DDR1: variants seen among roughly 807,000 people sequenced by gnomAD.
DDR1 encodes the protein epithelial discoidin domain-containing receptor 1.
A neutral mutation model predicts 97.4 loss-of-function variants in DDR1; 64 were observed. That is an observed-to-expected ratio of 0.66 (90% CI 0.54 to 0.81). The LOEUF (loss-of-function observed/expected upper bound fraction) is 0.81, where lower values mean the gene tolerates loss of function less well. DDR1 is among the 30% of genes least tolerant of loss of function. The pLI, the probability that DDR1 is intolerant of heterozygous loss-of-function variation, is 0.00. For synonymous variants in DDR1, 458 were observed against 503.7 expected (o/e 0.91, Z 1.21); for missense variants, 990 against 1,259.6 (o/e 0.79, Z 3.24).
chr6:30,893,186 G>A, intron 9 of DDR1, 23 bp downstream of exon 9: 2 of 1,602,968 alleles, frequency 1.2e-6, no homozygotes, highest in Non-Finnish European at 1.7e-6. Flanking sequence ...GGGTGGGCGT[G>A]TGGACCCTCT....
chr6:30,897,289 C>G lies in DDR1; in HGVS notation c.1998-90C>G. 1.8e-6 allele frequency: 2 copies of G among 1,137,158 alleles called. No individual in the cohort carries two copies. Among genetic ancestry groups the G allele is most frequent in the Non-Finnish European group, 2.4e-6 (2 of 846,338 alleles). 70.4% of individuals were successfully genotyped at this position (1,137,158 alleles called of 1,614,324 possible). The stretch of plus-strand genomic sequence containing the variant: ...TACGCTGGGGGTGGGGACGCCTGGT[C>G]TGCCTGAGGTGGGGCAGGGGGGTGG... On this transcript the variant is annotated intron_variant, in intron 14 of 17. Transcript: ENST00000376568. This position sits in a 1 kb window ranked among gnomAD's most constrained non-coding sequence, Gnocchi z 5.2.
In DDR1 at chr6:30,895,394, C is replaced by T. The variant is rs1194170145; in HGVS notation, c.1514-10C>T. The stretch of plus-strand genomic sequence containing the variant: ...CTTCCCCGTGTTTCCCCTCCTCCTT[C>T]TCCCGACAGCGTTGCTGCTCTCCAA... On this transcript the variant is annotated splice_polypyrimidine_tract_variant and intron_variant, in intron 11 of 17. Transcript: ENST00000376568. The T allele has an allele frequency of 1.9e-6, 3 of 1,604,302 alleles. No homozygotes were observed. Among genetic ancestry groups the T allele is most frequent in the East Asian group, 4.5e-5 (2 of 44,406 alleles).
In DDR1 at chr6:30,895,515, G is replaced by A; in HGVS notation, c.1624+1G>A. On this transcript the variant is annotated splice_donor_variant, in intron 12 of 17. Transcript: ENST00000376568. LOFTEE classifies it high-confidence loss of function. ...TGGGCCAAACCCACCAACACCCAGGGTAAGCCCCTCTGCCCCTGGGCTCCG... is the reference window on the plus strand; with the variant it reads ...TGGGCCAAACCCACCAACACCCAGGATAAGCCCCTCTGCCCCTGGGCTCCG... 1.3e-6 allele frequency: 2 copies of A among 1,582,236 alleles called. No homozygotes were observed. The highest frequency in any genetic ancestry group is 1.7e-6 in the Non-Finnish European group (2 of 1,165,618).
At position 30,889,316 on chromosome 6, in the gene DDR1, C is replaced by T; in HGVS notation, c.303C>T (p.Gly101=). 2 of 1,612,720 alleles carry T rather than the reference C, an allele frequency of 1.2e-6. No individual in the cohort carries two copies. The highest frequency in any genetic ancestry group is 1.1e-5 in the South Asian group (1 of 91,054). The change falls in exon 4 of 18, where the codon GGC becomes GGT. Residue 101 remains glycine (G), a synonymous_variant. Transcript: ENST00000376568. This position sits in a 1 kb window ranked among gnomAD's most constrained non-coding sequence, Gnocchi z 4.9. ...GACTGCACCTGGTGGCTCTGGTGGG[C>T]ACCCAGGGACGGCATGCCGGGGGCC... is the stretch of plus-strand genomic sequence containing the variant. The part of the protein sequence containing the change: ...LQRLHLVALV[G]TQGRHAGGLG...
chr6:30,891,163 G>C lies in DDR1; in HGVS notation c.565+43G>C, dbSNP rs772741154. On this transcript the variant is annotated intron_variant, in intron 5 of 17. Transcript: ENST00000376568. This position sits in a 1 kb window ranked among gnomAD's most constrained non-coding sequence, Gnocchi z 5.3. ...CTGGGAATCTGTTTCCTGAGCAGGG[G>C]ACTGGAGGGTGGGGAGTGTGGAGAA... 1 of 1,610,164 alleles carries C rather than the reference G, an allele frequency of 6.2e-7. No individual in the cohort carries two copies. Among genetic ancestry groups the C allele is most frequent in the Non-Finnish European group, 8.5e-7 (1 of 1,179,224 alleles).
rs1170045188 is a variant in DDR1 at position 30,893,397 on chromosome 6, C to T, written c.1321C>T (p.Leu441=). ...CATCATTGCCCTCATGCTCTGGCGG[C>T]TGCACTGGCGCAGGCTCCTCAGCAA... The part of the protein sequence containing the change: ...LLIIALMLWR[L]HWRRLLSKAE... Residue 441 remains leucine, a synonymous_variant, in exon 10 of 18, where the codon CTG becomes TTG. Transcript: ENST00000376568. 1 of 1,606,074 alleles carries T rather than the reference C, an allele frequency of 6.2e-7. No homozygotes were observed. Among genetic ancestry groups the T allele is most frequent in the Admixed American group, 1.7e-5 (1 of 59,986 alleles).
Position 30,894,656 on chromosome 6 carries a change from G to A in DDR1, c.1498G>A (p.Val500Ile). The A allele has an allele frequency of 5.0e-6, 8 of 1,604,178 alleles. No individual in the cohort carries two copies. Among genetic ancestry groups the A allele is most frequent in the Non-Finnish European group, 6.8e-6 (8 of 1,174,716 alleles). The change falls in exon 11 of 18, where the codon GTC becomes ATC. Residue 500 changes from valine to isoleucine, a missense_variant. Physicochemically the swap from Val to Ile is conservative, Grantham distance 29. Transcript: ENST00000376568. This position sits in a 1 kb window ranked among gnomAD's most constrained non-coding sequence, Gnocchi z 5.7. The stretch of plus-strand genomic sequence containing the variant: ...GAATCCGCCCCACTCCGCTCCCTGT[G>A]TCCCCAATGGCTCTGGTAAGACCTG... The part of the protein sequence containing the change: ...RGNPPHSAPC[V>I]PNGSALLLSN...
At position 30,891,546 on chromosome 6, in the gene DDR1, TGTGTGTGTGTGAGA is replaced by T; in HGVS notation, c.665+79_665+92del. 1.1e-6 allele frequency: 1 copy of T among 934,292 alleles called. No individual in the cohort carries two copies. The highest frequency in any genetic ancestry group is 1.7e-6 in the Non-Finnish European group (1 of 605,416). 57.9% of individuals were successfully genotyped at this position (934,292 alleles called of 1,614,324 possible). On this transcript the variant is annotated intron_variant, in intron 6 of 17. Transcript: ENST00000376568. This position sits in a 1 kb window ranked among gnomAD's most constrained non-coding sequence, Gnocchi z 5.3. ...GGAGGACTGTGTGTGTGTGTGTGTG[TGTGTGTGTGTGAGA>T]GTGTGTGTGTGTAGGGGGGCTGGTA...
At chr6:30,895,253 T>A (rs1024052456) in intron 11 of DDR1, 151 bp from the exon 12 acceptor site, 1 of 609,710 alleles carries the variant, frequency 1.6e-6, no homozygotes, top group Non-Finnish European at 2.9e-6. Context: ...CAGCCAGCCG[T>A]CCGTCACTCT....
rs1785491076 is a variant in DDR1, at chr6:30,885,582, T to G, written c.-43+872T>G. 3 of 1,403,894 alleles carry G rather than the reference T, an allele frequency of 2.1e-6. No homozygotes were observed. In the African/African-American group the frequency reaches 4.3e-5, roughly 20 times the overall value. The allele number at this position is 1,403,894 out of a possible 1,614,324, so 87.0% of individuals were successfully genotyped here. A position where few individuals can be genotyped will look rare whatever the true frequency, so the allele number is the denominator to read the frequency against. ...GGGTGTGTGTGTCTCATGCTGTCTT[T>G]TGGTCACAGGAGCATGTGGTGTCTG... On this transcript the variant is annotated intron_variant, in intron 1 of 17. Transcript: ENST00000376568.
chr6:30,887,320 G>T (rs1229892896), intron 1 of DDR1, among the ~76,000 whole-genome samples: 2 of 152,144 alleles, frequency 1.3e-5, no homozygotes, highest in Non-Finnish European at 2.9e-5. Flanking sequence ...CATATCTTAT[G>T]ATTTTACATA....
Position 30,889,369 on chromosome 6 carries a change from G to A in DDR1, c.356G>A (p.Arg119Gln), listed in dbSNP as rs556218004. 21 of 1,606,834 alleles carry A rather than the reference G, an allele frequency of 1.3e-5. No individual in the cohort carries two copies. Among genetic ancestry groups the A allele is most frequent in the African/African-American group, 1.1e-4 (8 of 74,864 alleles). ...GLGKEFSRSY[R>Q]LRYSRDGRRW... is the part of the protein sequence containing the mutation. ...GGCAAGGAGTTCTCCCGGAGCTACC[G>A]GCTGCGTTACTCCCGGGATGGTCGC... Residue 119 changes from arginine to glutamine, a missense_variant, in exon 4 of 18, where the codon CGG (arginine) becomes CAG (glutamine). Coordinates refer to ENST00000376568, the MANE Select transcript of DDR1 (RefSeq NM_001297654.2). This position sits in a 1 kb window ranked among gnomAD's most constrained non-coding sequence, Gnocchi z 4.9.
chr6:30,884,962 G>A lies in DDR1; in HGVS notation c.-43+252G>A. 1 of 473,452 alleles carries A rather than the reference G, an allele frequency of 2.1e-6. No individual in the cohort carries two copies. Among genetic ancestry groups the A allele is most frequent in the Non-Finnish European group, 3.8e-6 (1 of 263,056 alleles). The allele number at this position is 473,452 out of a possible 1,614,324, so 29.3% of individuals were successfully genotyped here. A position where few individuals can be genotyped will look rare whatever the true frequency, so the allele number is the denominator to read the frequency against. ...AGAGTTTTGAGCCTCCAGCCTTGAG[G>A]CAAGTCCCCTCTCACTCAGTGCGGA... On this transcript the variant is annotated intron_variant, in intron 1 of 17. Coordinates refer to ENST00000376568, the MANE Select transcript of DDR1 (RefSeq NM_001297654.2). The surrounding 1 kb of genome is among the most constrained non-coding windows in gnomAD (Gnocchi z 6.1).
chr6:30,888,534 G>A lies in DDR1; in HGVS notation c.-42-154G>A. The A allele has an allele frequency of 1.2e-6, 1 of 845,486 alleles. No individual in the cohort carries two copies. Among genetic ancestry groups the A allele is most frequent in the Admixed American group, 2.8e-5 (1 of 35,960 alleles). The allele number at this position is 845,486 out of a possible 1,614,324, so 52.4% of individuals were successfully genotyped here. On this transcript the variant is annotated intron_variant, in intron 1 of 17. Transcript: ENST00000376568. This position sits in a 1 kb window ranked among gnomAD's most constrained non-coding sequence, Gnocchi z 4.2. ...GTTTAGGCCAGTGTCTGGCACAGGG[G>A]AAGCATTCTAAAAATATAGCTGATG...
intron 1 of DDR1, chr6:30,885,521 G>A: frequency 1.6e-6 from 2 of 1,277,296 alleles, no homozygotes; most frequent in Non-Finnish European, 2.1e-6. Context: ...TAGAGGCTGG[G>A]CCCCAGTTCT....
chr6:30,883,108 G>A (rs911900461), upstream of DDR1: 2 of 152,246 alleles, frequency 1.3e-5, no homozygotes, highest in African/African-American at 4.8e-5. This position sits in a 1 kb window ranked among gnomAD's most constrained non-coding sequence, Gnocchi z 4.9. Context: ...ACGTCCTTGG[G>A]CTTCTGAACT....
rs1789217198 is a variant in DDR1 at position 30,893,131 on chromosome 6, C to T, written c.1163C>T (p.Pro388Leu). 6.2e-7 allele frequency: 1 copy of T among 1,610,716 alleles called. No homozygotes were observed. Among genetic ancestry groups the T allele is most frequent in the African/African-American group, 1.3e-5 (1 of 75,060 alleles). Reference protein sequence around the residue: ...GTFPPAPWWPPGPPPTNFSSL... With the variant: ...GTFPPAPWWPLGPPPTNFSSL... ...TTCCCGCCAGCCCCCTGGTGGCCGC[C>T]TGGCCCACCTCCCACCAACTTCAGC... Residue 388 changes from proline to leucine, a missense_variant, in exon 9 of 18, where the codon CCT (proline) becomes CTT (leucine). Pro to Leu is a moderately conservative substitution (Grantham distance 98). Transcript: ENST00000376568.
In DDR1 at chr6:30,889,454, C is replaced by G; in HGVS notation, c.417+24C>G. The G allele has an allele frequency of 2.7e-6, 4 of 1,472,316 alleles. No homozygotes were observed. The highest frequency in any genetic ancestry group is 1.4e-5 in the African/African-American group (1 of 71,090). 91.2% of individuals were successfully genotyped at this position (1,472,316 alleles called of 1,614,324 possible). A position where few individuals can be genotyped will look rare whatever the true frequency, so the allele number is the denominator to read the frequency against. On this transcript the variant is annotated intron_variant, in intron 4 of 17. Coordinates refer to ENST00000376568, the MANE Select transcript of DDR1 (RefSeq NM_001297654.2). The surrounding 1 kb of genome is among the most constrained non-coding windows in gnomAD (Gnocchi z 4.9). Reference sequence around the variant, plus strand: ...AGGTGAGACTGGCAGGGGCAGCACCCAGAGGAGGTTGGCTCTCCTCACTTC... The same window carrying G: ...AGGTGAGACTGGCAGGGGCAGCACCGAGAGGAGGTTGGCTCTCCTCACTTC...
chr6:30,884,893 G>C lies in DDR1; in HGVS notation c.-43+183G>C. The C allele has an allele frequency of 2.7e-6, 1 of 365,712 alleles. No individual in the cohort carries two copies. Among genetic ancestry groups the C allele is most frequent in the Non-Finnish European group, 4.9e-6 (1 of 202,954 alleles). 22.7% of individuals were successfully genotyped at this position (365,712 alleles called of 1,614,324 possible). On this transcript the variant is annotated intron_variant, in intron 1 of 17. Transcript: ENST00000376568. This position sits in a 1 kb window ranked among gnomAD's most constrained non-coding sequence, Gnocchi z 6.1. The stretch of plus-strand genomic sequence containing the variant: ...TGCTCTGGCATACCGTCTGAAAACC[G>C]GGGGCGGGGACTGGGTGGAGGTGAA...
Sources: allele counts gnomAD v4.1 joint callset (sites outside exome capture counted in the v4.1 genomes callset), GRCh38; gene constraint gnomAD v4.1.1; non-coding constraint Gnocchi (gnomAD v3.1); transcripts MANE v1.5; gene names NCBI Gene and HGNC (gene_info 2026-07-23, HGNC 2026-07-21).